The following CROCC2 variants were observed in gnomAD, a reference collection of about 807,000 sequenced individuals.
The protein encoded by CROCC2 is ciliary rootlet coiled-coil, rootletin family member 2.
CROCC2 carries 163 observed loss-of-function variants against 177.6 expected under a neutral mutation model. The observed-to-expected ratio is 0.92, with a 90% CI of 0.81 to 1.05. The LOEUF (loss-of-function observed/expected upper bound fraction) is 1.05. Among genes scored for constraint, CROCC2 ranks in the 50% least tolerant of loss-of-function variants. CROCC2 has a pLI of 0.00. For synonymous variants in CROCC2, 904 were observed against 787.3 expected, an observed-to-expected ratio of 1.15 and a Z score of -2.48; for missense variants, 1,929 against 1,797.8, an observed-to-expected ratio of 1.07 and a Z score of -1.32.
At chr2:240,966,093 G>C in intron 24 of CROCC2, 100 bp downstream of exon 24, 1 of 1,273,522 alleles carries the variant, frequency 7.9e-7, no homozygotes. Flanking sequence ...TGAGGGACTC[G>C]GACAGGCAAT....
intron 1 of CROCC2, among the ~76,000 whole-genome samples, chr2:240,907,868 G>T (rs529832648): frequency 1.6e-5 from 1 of 62,486 alleles, no homozygotes; most frequent in African/African-American, 7.8e-5. Context: ...TCCTCCACCT[G>T]GGGTGAGCTC....
intron 18 of CROCC2, among the ~76,000 whole-genome samples, chr2:240,951,821 G>C (rs1416963591): frequency 6.6e-6 from 1 of 152,134 alleles, no homozygotes. Flanking sequence ...TCATCCATCA[G>C]TGTATCCAAC....
chr2:240,959,203 C>T, intron 19 of CROCC2, 98 bp from the exon 20 acceptor site: 1 of 1,362,686 alleles, frequency 7.3e-7, no homozygotes, highest in South Asian at 1.6e-5. Context: ...CCTCCCAGGC[C>T]ACTGCAACAC....
intron 7 of CROCC2, among the ~76,000 whole-genome samples, chr2:240,931,441 T>A (rs980050910): frequency 2.0e-5 from 3 of 152,128 alleles, no homozygotes; most frequent in Admixed American, 6.5e-5. Context: ...AGCAGGAACA[T>A]TCTTCTAGGG....
chr2:240,949,190 C>T lies in CROCC2; in HGVS notation c.2482+93C>T. On this transcript the variant is annotated intron_variant, in intron 16 of 31. Transcript: ENST00000690015. The surrounding 1 kb of genome is among the most constrained non-coding windows in gnomAD (Gnocchi z 4.5). ...CTCAGTGCCCACACGTGCTGCACCC[C>T]CTCTCCGGAGCCCACAGGGGCATGA... 1 of 1,447,684 alleles carries T rather than the reference C, an allele frequency of 6.9e-7. No individual in the cohort carries two copies. Among genetic ancestry groups the T allele is most frequent in the Non-Finnish European group, 9.0e-7 (1 of 1,105,142 alleles). The allele number at this position is 1,447,684 out of a possible 1,614,324, so 89.7% of individuals were successfully genotyped here.
At chr2:240,923,471 C>A (rs113518358) in intron 4 of CROCC2, among the ~76,000 whole-genome samples, 4 of 86,708 alleles carry the variant, frequency 4.6e-5, no homozygotes, top group Non-Finnish European at 6.8e-5. Context: ...ACTAACCCAG[C>A]CCCCCACACT....
rs1380488983 is a variant in CROCC2, at chr2:240,946,110, G to A, written c.2220G>A (p.Gln740=). 3.2e-6 allele frequency: 5 copies of A among 1,539,402 alleles called. No homozygotes were observed. In the Admixed American group the frequency reaches 7.9e-5, roughly 24 times the overall value. Residue 740 remains glutamine (Q), a synonymous_variant, in exon 15 of 32, where the codon CAG becomes CAA. Coordinates refer to ENST00000690015, the MANE Select transcript of CROCC2 (RefSeq NM_001351305.2). The part of the protein sequence containing the change: ...ALEEQLAQSL[Q]DQEAQMGTLQ... ...AGGAGCAGCTGGCTCAGAGCCTGCA[G>A]GACCAGGAGGCCCAGATGGGCACTC... is the stretch of plus-strand genomic sequence containing the variant.
At chr2:240,971,987 C>T (rs1409431636) in intron 27 of CROCC2, among the ~76,000 whole-genome samples, 1 of 152,172 alleles carries the variant, frequency 6.6e-6, no homozygotes, top group Non-Finnish European at 1.5e-5. Flanking sequence ...CCTGCCCTGT[C>T]CTCACCTTGA....
At chr2:240,988,385 C>A (rs148740569) in intron 28 of CROCC2, among the ~76,000 whole-genome samples, 1 of 152,332 alleles carries the variant, frequency 6.6e-6, no homozygotes, top group African/African-American at 2.4e-5. Flanking sequence ...GATCATGGCT[C>A]ATGAGACCTG....
intron 21 of CROCC2, 52 bp downstream of exon 21, chr2:240,963,825 C>T (rs570897122): frequency 1.3e-6 from 2 of 1,524,498 alleles, no homozygotes; most frequent in East Asian, 2.5e-5. Context: ...CTGCTGCCCA[C>T]CCAGGCCGTA....
chr2:240,935,492 G>A lies in CROCC2; in HGVS notation c.2073G>A (p.Gln691=). 7.4e-7 allele frequency: 1 copy of A among 1,348,740 alleles called. No homozygotes were observed. Among genetic ancestry groups the A allele is most frequent in the South Asian group, 1.9e-5 (1 of 52,776 alleles). 83.5% of individuals were successfully genotyped at this position (1,348,740 alleles called of 1,614,324 possible). The change falls in exon 14 of 32, where the codon CAG becomes CAA. Residue 691 remains glutamine (Q), a synonymous_variant. Transcript: ENST00000690015. ...LERAERRGLQ[Q]ACGRLEQRQE... is the part of the protein sequence containing the mutation. Reference sequence around the variant, plus strand: ...GGGCAGAGCGCAGGGGCCTGCAGCAGGCCTGCGGACGCCTGGAGCAGCGGC... The same window carrying A: ...GGGCAGAGCGCAGGGGCCTGCAGCAAGCCTGCGGACGCCTGGAGCAGCGGC...
rs1402983331 is a variant in CROCC2, at chr2:240,949,507, G to A, written c.2483-26G>A. ...TTCAGGGGTCCACATGCCAGGCCCT[G>A]GTGCATCTCACCCATCACCCCACAG... On this transcript the variant is annotated intron_variant, in intron 16 of 31. Coordinates refer to ENST00000690015, the MANE Select transcript of CROCC2 (RefSeq NM_001351305.2). This position sits in a 1 kb window ranked among gnomAD's most constrained non-coding sequence, Gnocchi z 4.5. 1.3e-6 allele frequency: 2 copies of A among 1,547,684 alleles called. No homozygotes were observed. The highest frequency in any genetic ancestry group is 2.4e-5 in the East Asian group (1 of 40,834).
In CROCC2 at chr2:240,931,094, C is replaced by T. The variant is rs1170894780; in HGVS notation, c.913C>T (p.Arg305Cys). The change falls in exon 7 of 32, where the codon CGC (arginine) becomes TGC (cysteine). Residue 305 changes from arginine (R) to cysteine (C), a missense_variant. Around this residue, in one of 3 missense-constraint regions of CROCC2, gnomAD observed 1,397 missense variants for 1,239.9 expected, o/e 1.13. Coordinates refer to ENST00000690015, the MANE Select transcript of CROCC2 (RefSeq NM_001351305.2). Reference sequence around the variant, plus strand: ...TGGGGAGATGCTGCAGCTGCAGGGCCGCTGGGACGCAGAGAAGGTGGCGCT... The same window carrying T: ...TGGGGAGATGCTGCAGCTGCAGGGCTGCTGGGACGCAGAGAAGGTGGCGCT... ...KAGEMLQLQGRWDAEKVALQA... is the reference protein window; with the variant it reads ...KAGEMLQLQGCWDAEKVALQA... The T allele has an allele frequency of 9.8e-6, 7 of 715,240 alleles. No homozygotes were observed. The highest frequency in any genetic ancestry group is 3.0e-5 in the South Asian group (2 of 67,504). 44.3% of individuals were successfully genotyped at this position (715,240 alleles called of 1,614,324 possible).
Position 240,934,932 on chromosome 2 carries a change from C to G in CROCC2, c.1808C>G (p.Ala603Gly). ...SALARAECSN[A>G]DLELLVRRLK... is the part of the protein sequence containing the mutation. ...CTGCCCCAGGCCGAGTGCAGCAATG[C>G]GGACCTGGAGCTTCTTGTGAGGCGG... Residue 603 changes from alanine (A) to glycine (G), a missense_variant, in exon 13 of 32, where the codon GCG becomes GGG. Ala to Gly is a moderately conservative substitution (Grantham distance 60, BLOSUM62 0). Around this residue, in one of 3 missense-constraint regions of CROCC2, gnomAD observed 1,397 missense variants for 1,239.9 expected, o/e 1.13. Transcript: ENST00000690015. 1 of 1,520,092 alleles carries G rather than the reference C, an allele frequency of 6.6e-7. No homozygotes were observed. Among genetic ancestry groups the G allele is most frequent in the Non-Finnish European group, 8.8e-7 (1 of 1,133,602 alleles). The allele number at this position is 1,520,092 out of a possible 1,614,324, so 94.2% of individuals were successfully genotyped here.
At chr2:240,957,649 C>T (rs1346060499) in intron 19 of CROCC2, 1 of 152,464 alleles carries the variant, frequency 6.6e-6, no homozygotes, top group Non-Finnish European at 1.5e-5. Context: ...TGGAGTGTCG[C>T]TTCACCTCCT....
chr2:240,950,853 A>C, intron 18 of CROCC2: 1 of 255,390 alleles, frequency 3.9e-6, no homozygotes. Context: ...CCACCCACCC[A>C]TTCACCCATC....
chr2:240,922,122 C>T (rs1203937899), intron 3 of CROCC2, among the ~76,000 whole-genome samples: 1 of 152,162 alleles, frequency 6.6e-6, no homozygotes, highest in Non-Finnish European at 1.5e-5. Flanking sequence ...TGAAGCCCCT[C>T]CCCCTACACT....
Position 240,919,935 on chromosome 2 carries a change from T to G in CROCC2, c.230-48T>G, listed in dbSNP as rs549156904. ...TGGAGACAGGGCACAAGGCTGAGTG[T>G]GGGTGGGCCCTGGTCTGGCCACCCA... On this transcript the variant is annotated intron_variant, in intron 2 of 31. Transcript: ENST00000690015. 1,600 of 693,068 alleles carry G rather than the reference T, an allele frequency of 2.3e-3. 5 individuals carry two copies. Among genetic ancestry groups the G allele is most frequent in the Non-Finnish European group, 2.7e-3 (1,020 of 372,566 alleles). 42.9% of individuals were successfully genotyped at this position (693,068 alleles called of 1,614,324 possible).
intron 20 of CROCC2, among the ~76,000 whole-genome samples, chr2:240,962,098 T>A (rs957202508): frequency 6.8e-5 from 10 of 147,064 alleles, no homozygotes; most frequent in Non-Finnish European, 1.2e-4. Context: ...ACACACACAC[T>A]CTCACCCTCC....
Sources: gnomAD v4.1 joint callset for allele counts (sites outside exome capture counted in the v4.1 genomes callset) on GRCh38, gnomAD v4.1.1 for gene constraint, gnomAD v4.1.1 regional missense constraint, Gnocchi (gnomAD v3.1) non-coding constraint, MANE v1.5 for transcripts, NCBI Gene and HGNC (gene_info 2026-07-23, HGNC 2026-07-21) for gene names.